Variants in LYPLAL1 observed in about 807,000 individuals in gnomAD.
LYPLAL1 encodes lysophospholipase like 1.
In LYPLAL1, 23 loss-of-function variants were observed where a neutral mutation model predicts 19.7. That is an observed-to-expected ratio of 1.17 (90% CI 0.84 to 1.65). The LOEUF is 1.65. Ranked by LOEUF, LYPLAL1 falls within the 40% of genes most tolerant of loss-of-function variation. The pLI, the probability that LYPLAL1 is intolerant of heterozygous loss-of-function variation, is 0.00. For synonymous variants in LYPLAL1, 119 were observed against 96.3 expected (o/e 1.24, Z -1.38); for missense variants, 355 against 279.4 (o/e 1.27, Z -1.93).
At chr1:219,184,611 A>G (rs560902220) in intron 2 of LYPLAL1, among the ~76,000 whole-genome samples, 7 of 151,504 alleles carry the variant, frequency 4.6e-5, no homozygotes, top group Non-Finnish European at 1.0e-4. Flanking sequence ...CCTTTTTTTT[A>G]TATTGAGGAC....
At chr1:219,349,357 C>T in the LYPLAL1 span, among the ~76,000 whole-genome samples, 1 of 152,116 alleles carries the variant, frequency 6.6e-6, no homozygotes, top group Non-Finnish European at 1.5e-5. Context: ...TGATCCCCAG[C>T]TTCACAAAAC....
chr1:219,340,998 TA>T, the LYPLAL1 span, among the ~76,000 whole-genome samples: 1 of 152,094 alleles, frequency 6.6e-6, no homozygotes, highest in Non-Finnish European at 1.5e-5. Flanking sequence ...TTGTCTGAAC[TA>T]ATTCAGCATT....
At chr1:219,189,513 G>T (rs1656980954) in intron 2 of LYPLAL1, among the ~76,000 whole-genome samples, 1 of 151,592 alleles carries the variant, frequency 6.6e-6, no homozygotes, top group African/African-American at 2.4e-5. Context: ...GATTCTGGGA[G>T]GAGGAAGGTT....
chr1:219,294,347 C>T, the LYPLAL1 span, among the ~76,000 whole-genome samples: 1 of 152,202 alleles, frequency 6.6e-6, no homozygotes, highest in African/African-American at 2.4e-5. Context: ...CTGCCCTCCT[C>T]CTCAACTTTC....
intron 3 of LYPLAL1, 93 bp downstream of exon 3, chr1:219,193,344 G>T (rs896990556): frequency 1.0e-6 from 1 of 960,814 alleles, no homozygotes; most frequent in South Asian, 2.0e-5. Flanking sequence ...AGAAGCACTT[G>T]TATATCATTC....
the LYPLAL1 span, chr1:219,271,745 T>C: frequency 6.6e-6 from 1 of 152,090 alleles, no homozygotes; most frequent in Non-Finnish European, 1.5e-5. Flanking sequence ...AAAGGTAAAC[T>C]TTTTTTTAAC....
chr1:219,279,180 G>A, the LYPLAL1 span, among the ~76,000 whole-genome samples: 2,997 of 152,302 alleles, frequency 0.02, 49 homozygotes, highest in South Asian at 0.077. Flanking sequence ...TTGGGTTAAT[G>A]TTCTTGCATC....
the LYPLAL1 span, among the ~76,000 whole-genome samples, chr1:219,264,551 A>T: frequency 1.3e-5 from 2 of 152,166 alleles, no homozygotes; most frequent in Non-Finnish European, 2.9e-5. Flanking sequence ...GGCTGACTTT[A>T]TGGTCTTTGG....
the LYPLAL1 span, among the ~76,000 whole-genome samples, chr1:219,419,592 C>CAGAGAGAGAGAGAG: frequency 1.6e-5 from 1 of 62,684 alleles, no homozygotes; most frequent in African/African-American, 4.7e-5. Flanking sequence ...CACACACACA[C>CAGAGAGAGAGAGAG]ACAGAGAGAG....
chr1:219,250,163 A>G, the LYPLAL1 span, among the ~76,000 whole-genome samples: 8 of 152,074 alleles, frequency 5.3e-5, no homozygotes, highest in Non-Finnish European at 1.0e-4. Context: ...ATTACTCTTT[A>G]GATCTATATT....
chr1:219,365,249 T>TG, the LYPLAL1 span, among the ~76,000 whole-genome samples: 1 of 152,036 alleles, frequency 6.6e-6, no homozygotes, highest in African/African-American at 2.4e-5. Context: ...TTAGACAAGG[T>TG]GAAAGGAGGT....
At chr1:219,186,497 A>G (rs1017157826) in intron 2 of LYPLAL1, among the ~76,000 whole-genome samples, 5 of 151,134 alleles carry the variant, frequency 3.3e-5, no homozygotes, top group African/African-American at 1.2e-4. Flanking sequence ...TTTTTAGGCT[A>G]TATTATTAGG....
At chr1:219,298,878 T>A in the LYPLAL1 span, among the ~76,000 whole-genome samples, 4 of 152,154 alleles carry the variant, frequency 2.6e-5, no homozygotes, top group Admixed American at 2.6e-4. Flanking sequence ...TAAATTAGCT[T>A]TGACTGCCAG....
chr1:219,440,357 C>T, the LYPLAL1 span, among the ~76,000 whole-genome samples: 1 of 152,122 alleles, frequency 6.6e-6, no homozygotes, highest in East Asian at 1.9e-4. Flanking sequence ...AACCCAGGAT[C>T]GATGTGTATT....
chr1:219,257,235 G>T, the LYPLAL1 span, among the ~76,000 whole-genome samples: 7 of 151,624 alleles, frequency 4.6e-5, no homozygotes, highest in Middle Eastern at 3.4e-3. Context: ...GTTAATAGCT[G>T]TATATATGTC....
the LYPLAL1 span, among the ~76,000 whole-genome samples, chr1:219,398,463 T>G: frequency 2.0e-5 from 3 of 152,210 alleles, no homozygotes; most frequent in African/African-American, 7.2e-5. Flanking sequence ...ATCATTTTAT[T>G]GTGATTTTTA....
the LYPLAL1 span, among the ~76,000 whole-genome samples, chr1:219,221,430 A>G: frequency 6.6e-6 from 1 of 152,122 alleles, no homozygotes; most frequent in Non-Finnish European, 1.5e-5. Flanking sequence ...TACCATTTCT[A>G]TTTGACAAGT....
chr1:219,310,340 C>A, the LYPLAL1 span, among the ~76,000 whole-genome samples: 5 of 152,200 alleles, frequency 3.3e-5, no homozygotes, highest in African/African-American at 1.2e-4. Context: ...TGCCTGCTCC[C>A]TATCTGAGGT....
chr1:219,247,925 G>A, the LYPLAL1 span, among the ~76,000 whole-genome samples: 1 of 151,934 alleles, frequency 6.6e-6, no homozygotes, highest in Non-Finnish European at 1.5e-5. Flanking sequence ...AAAAACCTAT[G>A]AAAACATGAA....
Sources: gnomAD v4.1 joint callset for allele counts (sites outside exome capture counted in the v4.1 genomes callset) on GRCh38, gnomAD v4.1.1 for gene constraint, MANE v1.5 for transcripts, NCBI Gene and HGNC (gene_info 2026-07-23, HGNC 2026-07-21) for gene names.